The following PCDHGA5 variants were observed in gnomAD, a reference collection of about 807,000 sequenced individuals.
The protein encoded by PCDHGA5 is protocadherin gamma subfamily A, 5, also known as protocadherin gamma-A5.
A neutral mutation model predicts 56.7 loss-of-function variants in PCDHGA5; 36 were observed. The ratio of observed to expected loss-of-function variants is 0.64; its 90% CI spans 0.49 to 0.84. PCDHGA5 has a LOEUF of 0.84. Ranked by LOEUF, PCDHGA5 falls within the 40% of genes least tolerant of loss-of-function variation. The pLI is 0.00. For missense variants in PCDHGA5, 1,305 were observed against 1,201.5 expected, an observed-to-expected ratio of 1.09 and a Z score of -1.27; for synonymous variants, 563 against 520.2, an observed-to-expected ratio of 1.08 and a Z score of -1.12.
In PCDHGA5 at chr5:141,491,105, C is replaced by T; in HGVS notation, c.2422-3702C>T. ...ACAGCCCCAGGACTGTTCCTCGTGTCTACACACACTGGTGAGGTGCGCACA... is the reference window on the plus strand; with the variant it reads ...ACAGCCCCAGGACTGTTCCTCGTGTTTACACACACTGGTGAGGTGCGCACA... On this transcript the variant is annotated intron_variant, in intron 1 of 3. Transcript: ENST00000518069. This position sits in a 1 kb window ranked among gnomAD's most constrained non-coding sequence, Gnocchi z 6.9. 1 of 1,614,222 alleles carries T rather than the reference C, an allele frequency of 6.2e-7. No individual in the cohort carries two copies. Among genetic ancestry groups the T allele is most frequent in the Non-Finnish European group, 8.5e-7 (1 of 1,180,032 alleles).
intron 1 of PCDHGA5, chr5:141,405,129 G>C: frequency 6.2e-7 from 1 of 1,613,964 alleles, no homozygotes. Flanking sequence ...CATCTGCTGC[G>C]GGCTACCAGT....
At position 141,431,391 on chromosome 5, in the gene PCDHGA5, T is replaced by C; in HGVS notation, c.2422-63416T>C. Reference sequence around the variant, plus strand: ...GAAGAAAAGGCTGCTCACCACCTGGTCCTTACGGCCTCCGACGGGGGCGAC... The same window carrying C: ...GAAGAAAAGGCTGCTCACCACCTGGCCCTTACGGCCTCCGACGGGGGCGAC... On this transcript the variant is annotated intron_variant, in intron 1 of 3. Transcript: ENST00000518069. The surrounding 1 kb of genome is among the most constrained non-coding windows in gnomAD (Gnocchi z 4.8). 1 of 1,613,852 alleles carries C rather than the reference T, an allele frequency of 6.2e-7. No homozygotes were observed.
At position 141,421,580 on chromosome 5, in the gene PCDHGA5, A is replaced by G. The variant is rs375319424; in HGVS notation, c.2421+54829A>G. ...CTCGTGGAAGACACCTTGAAGATTT[A>G]CGGAGTGGAGGTGGAAATAATAGAT... On this transcript the variant is annotated intron_variant, in intron 1 of 3. Transcript: ENST00000518069. The G allele has an allele frequency of 1.1e-5, 17 of 1,613,782 alleles. No individual in the cohort carries two copies. In the East Asian group the frequency reaches 2.7e-4, roughly 25 times the overall value.
At chr5:141,450,551 G>T (rs2098684306) in intron 1 of PCDHGA5, among the ~76,000 whole-genome samples, 1 of 150,822 alleles carries the variant, frequency 6.6e-6, no homozygotes, top group Admixed American at 6.6e-5. Flanking sequence ...CAGTGGCGCA[G>T]TCTCGGCTCA....
chr5:141,413,013 C>A, intron 1 of PCDHGA5: 2 of 661,008 alleles, frequency 3.0e-6, no homozygotes, highest in Admixed American at 6.8e-5. Context: ...GCTTCAACTA[C>A]ACAAGCCCCA....
At chr5:141,430,925 C>G (rs1313621122) in intron 1 of PCDHGA5, 2 of 1,607,162 alleles carry the variant, frequency 1.2e-6, no homozygotes, top group Non-Finnish European at 8.5e-7. Context: ...GGGGCTGGAG[C>G]CCCGGGAGCT....
At chr5:141,499,423 GA>G (rs1229901490) in intron 2 of PCDHGA5, among the ~76,000 whole-genome samples, 3 of 151,756 alleles carry the variant, frequency 2.0e-5, no homozygotes, top group Non-Finnish European at 2.9e-5. Flanking sequence ...ATGAAAAATA[GA>G]AAAAAAATTA....
intron 1 of PCDHGA5, among the ~76,000 whole-genome samples, chr5:141,481,443 C>T (rs971405190): frequency 1.3e-5 from 2 of 152,174 alleles, no homozygotes; most frequent in African/African-American, 4.8e-5. Flanking sequence ...CAGTTTAGTA[C>T]ATGTAAATAC....
chr5:141,435,897 A>G (rs1206255678), intron 1 of PCDHGA5, among the ~76,000 whole-genome samples: 2 of 152,166 alleles, frequency 1.3e-5, no homozygotes, highest in East Asian at 1.9e-4. Context: ...TAGAGAATGA[A>G]AGACATCCAA....
At chr5:141,393,189 A>G (rs1561640968) in intron 1 of PCDHGA5, 1 of 1,613,404 alleles carries the variant, frequency 6.2e-7, no homozygotes, top group Admixed American at 1.7e-5. Context: ...AATAATTGAT[A>G]TTAACGATAA....
chr5:141,408,540 C>G (rs201370009), intron 1 of PCDHGA5: 4 of 1,613,928 alleles, frequency 2.5e-6, no homozygotes, highest in Non-Finnish European at 3.4e-6. Flanking sequence ...GTGGAAAATC[C>G]TTTAAATATT....
intron 1 of PCDHGA5, chr5:141,394,966 GC>G (rs1294759609): frequency 1.2e-6 from 2 of 1,613,886 alleles, no homozygotes; most frequent in Non-Finnish European, 1.7e-6. Context: ...AGGCTGAGGC[GC>G]TGGCACAAGT....
At chr5:141,495,613 G>A (rs1230710705) in intron 2 of PCDHGA5, among the ~76,000 whole-genome samples, 2 of 152,068 alleles carry the variant, frequency 1.3e-5, no homozygotes, top group Non-Finnish European at 2.9e-5. Flanking sequence ...CTTGATTGCT[G>A]CACCTCAGCC....
intron 1 of PCDHGA5, among the ~76,000 whole-genome samples, chr5:141,455,519 G>T (rs1439363688): frequency 1.3e-5 from 2 of 152,158 alleles, no homozygotes; most frequent in East Asian, 3.9e-4. Flanking sequence ...TCAGGGGATT[G>T]GTTTGACCAG....
chr5:141,436,875 A>C (rs1182313546), intron 1 of PCDHGA5, among the ~76,000 whole-genome samples: 3 of 152,236 alleles, frequency 2.0e-5, no homozygotes, highest in African/African-American at 7.2e-5. Context: ...TTAGGCCATA[A>C]AAGATGGGGG....
At chr5:141,374,467 C>T (rs1430397717) in intron 1 of PCDHGA5, 2 of 1,612,694 alleles carry the variant, frequency 1.2e-6, no homozygotes, top group Non-Finnish European at 1.7e-6. Flanking sequence ...ACATTAATGA[C>T]AATACACCCC....
At chr5:141,375,888 C>G in intron 1 of PCDHGA5, 1 of 1,613,818 alleles carries the variant, frequency 6.2e-7, no homozygotes, top group Admixed American at 1.7e-5. Context: ...GGCCAGAACG[C>G]CTGGCTGTCC....
chr5:141,385,979 A>T (rs1561609878), intron 1 of PCDHGA5: 1 of 152,222 alleles, frequency 6.6e-6, no homozygotes, highest in South Asian at 2.1e-4. Flanking sequence ...AAAACCAATA[A>T]AATATGTCAA....
At chr5:141,466,324 C>A (rs2154569179) in intron 1 of PCDHGA5, among the ~76,000 whole-genome samples, 1 of 152,218 alleles carries the variant, frequency 6.6e-6, no homozygotes, top group East Asian at 1.9e-4. Context: ...GCACATGCTA[C>A]CATGCCTGGA....
Sources: gnomAD v4.1 joint callset for allele counts (sites outside exome capture counted in the v4.1 genomes callset) on GRCh38, gnomAD v4.1.1 for gene constraint, Gnocchi (gnomAD v3.1) non-coding constraint, MANE v1.5 for transcripts, NCBI Gene and HGNC (gene_info 2026-07-23, HGNC 2026-07-21) for gene names.